Variants in TRIO observed in about 807,000 individuals in gnomAD.
The protein encoded by TRIO is trio Rho guanine nucleotide exchange factor.
TRIO carries 58 observed loss-of-function variants against 351.9 expected under a neutral mutation model. The observed-to-expected ratio is 0.16, with a 90% CI of 0.13 to 0.21. TRIO has a LOEUF of 0.21. TRIO is among the 10% of genes least tolerant of loss of function. The pLI, the probability that TRIO is intolerant of heterozygous loss-of-function variation, is 1.00. For missense variants in TRIO, 3,201 were observed against 4,027.8 expected (o/e 0.79, Z 5.56); for synonymous variants, 1,758 against 1,595.7 (o/e 1.10, Z -2.42).
chr5:14,211,081 C>G (rs73748685), intron 1 of TRIO, among the ~76,000 whole-genome samples: 5,180 of 152,250 alleles, frequency 0.034, 304 homozygotes, highest in African/African-American at 0.12. Flanking sequence ...AAATAATAAT[C>G]ATAATAAAAG....
At chr5:14,230,112 A>C (rs750345270) in intron 1 of TRIO, among the ~76,000 whole-genome samples, 1 of 152,186 alleles carries the variant, frequency 6.6e-6, no homozygotes, top group Admixed American at 6.5e-5. Flanking sequence ...CAACTCATAT[A>C]TTATGAGCCA....
Position 14,292,960 on chromosome 5 carries a change from C to T in TRIO, c.1054-52C>T, listed in dbSNP as rs144272318. 939 of 1,611,374 alleles carry T rather than the reference C, an allele frequency of 5.8e-4. 8 individuals carry two copies. The African/African-American group carries it at 0.011, about 19-fold the overall frequency. ...TACTGCCCCATCTGTGGGCTTGTGT[C>T]AGTAATTTCTCTTTCTGGAGTGATT... On this transcript the variant is annotated intron_variant, in intron 5 of 56. Coordinates refer to ENST00000344204, the MANE Select transcript of TRIO (RefSeq NM_007118.4).
chr5:14,213,295 A>G (rs1020407145), intron 1 of TRIO, among the ~76,000 whole-genome samples: 1 of 151,084 alleles, frequency 6.6e-6, no homozygotes, highest in Admixed American at 6.6e-5. Flanking sequence ...AGGTTAATAT[A>G]TGTAAACTAA....
Position 14,330,774 on chromosome 5 carries a change from G to A in TRIO, c.1732-4G>A. The A allele has an allele frequency of 6.2e-7, 1 of 1,613,516 alleles. No individual in the cohort carries two copies. The highest frequency in any genetic ancestry group is 8.5e-7 in the Non-Finnish European group (1 of 1,179,656). The stretch of plus-strand genomic sequence containing the variant: ...ATGGCATATGTACCTGTATTTCATT[G>A]TAGGTGCTAGACTGGATCGAGAACC... On this transcript the variant is annotated splice_polypyrimidine_tract_variant and splice_region_variant and intron_variant, in intron 9 of 56. Coordinates refer to ENST00000344204, the MANE Select transcript of TRIO (RefSeq NM_007118.4).
intron 31 of TRIO, among the ~76,000 whole-genome samples, chr5:14,401,896 T>C (rs1289358768): frequency 2.0e-5 from 3 of 152,190 alleles, no homozygotes; most frequent in Non-Finnish European, 4.4e-5. Context: ...TGAACCTGCA[T>C]GTCACCCCTT....
intron 1 of TRIO, among the ~76,000 whole-genome samples, chr5:14,269,427 T>C (rs1795864318): frequency 6.6e-6 from 1 of 152,256 alleles, no homozygotes; most frequent in African/African-American, 2.4e-5. Flanking sequence ...TAATTTGGCC[T>C]GACCCACACT....
In TRIO at chr5:14,178,656, T is replaced by A. The variant is rs191427343; in HGVS notation, c.157+34774T>A. Among the ~76,000 whole-genome samples the A allele has an allele frequency of 2.0e-5, 3 of 152,324 alleles. No homozygotes were observed. The East Asian group carries it at 5.8e-4, about 29-fold the overall frequency. ...GACCTACTGACTGACCATAGTTTCATAATTCAGTATGTAGAGGGTGAGAGT... is the reference window on the plus strand; with the variant it reads ...GACCTACTGACTGACCATAGTTTCAAAATTCAGTATGTAGAGGGTGAGAGT... On this transcript the variant is annotated intron_variant, in intron 1 of 56. Transcript: ENST00000344204.
At chr5:14,477,012 A>G in intron 41 of TRIO, 49 bp downstream of exon 41, 3 of 1,529,962 alleles carry the variant, frequency 2.0e-6, no homozygotes, top group Non-Finnish European at 2.7e-6. Context: ...TGTCATCCTT[A>G]GTCACTGGTT....
intron 48 of TRIO, 26 bp from the exon 49 acceptor site, chr5:14,492,541 C>T (rs536785340): frequency 3.1e-6 from 5 of 1,610,094 alleles, no homozygotes; most frequent in Middle Eastern, 3.3e-4. Context: ...CCCTGCCTTT[C>T]TCTGTCTTCA....
At chr5:14,337,300 T>C (rs1741506054) in intron 11 of TRIO, among the ~76,000 whole-genome samples, 1 of 152,224 alleles carries the variant, frequency 6.6e-6, no homozygotes, top group Non-Finnish European at 1.5e-5. Flanking sequence ...ATATATGTTA[T>C]TCTTGGTAGA....
At chr5:14,276,915 C>G (rs759831434) in intron 2 of TRIO, among the ~76,000 whole-genome samples, 2 of 152,194 alleles carry the variant, frequency 1.3e-5, no homozygotes, top group African/African-American at 4.8e-5. Context: ...AAGTGTCACA[C>G]AGACATGTAT....
chr5:14,393,723 A>G (rs151050349), intron 27 of TRIO, among the ~76,000 whole-genome samples: 38 of 152,368 alleles, frequency 2.5e-4, no homozygotes, highest in African/African-American at 8.9e-4. Context: ...CAACCTTTAC[A>G]TGCAATACAG....
intron 40 of TRIO, among the ~76,000 whole-genome samples, chr5:14,474,909 A>G (rs1186589814): frequency 6.6e-6 from 1 of 152,136 alleles, no homozygotes; most frequent in Non-Finnish European, 1.5e-5. Context: ...TCCTGGGCTC[A>G]AGCAGTCTTC....
intron 48 of TRIO, chr5:14,488,948 C>G (rs754694601): frequency 1.3e-6 from 1 of 764,176 alleles, no homozygotes; most frequent in Non-Finnish European, 2.4e-6. Context: ...CTCATGCTGC[C>G]GTCTCAAGCA....
chr5:14,476,104 C>A (rs1755055129), intron 40 of TRIO, among the ~76,000 whole-genome samples: 1 of 152,182 alleles, frequency 6.6e-6, no homozygotes, highest in African/African-American at 2.4e-5. Flanking sequence ...CTTCATAAAG[C>A]TGGCACAGGT....
In TRIO at chr5:14,508,528, C is replaced by A; in HGVS notation, c.*106C>A. Reference sequence around the variant, plus strand: ...ATAACTGATCAGCTGCCGGTATGTTCATCGTGTGAAATTGCATTCCAAGTG... The same window carrying A: ...ATAACTGATCAGCTGCCGGTATGTTAATCGTGTGAAATTGCATTCCAAGTG... On this transcript the variant is annotated 3_prime_UTR_variant, in exon 57 of 57. Transcript: ENST00000344204. 1 of 1,385,588 alleles carries A rather than the reference C, an allele frequency of 7.2e-7. No individual in the cohort carries two copies. The highest frequency in any genetic ancestry group is 9.8e-7 in the Non-Finnish European group (1 of 1,019,678). 85.8% of individuals were successfully genotyped at this position (1,385,588 alleles called of 1,614,324 possible). A position where few individuals can be genotyped will look rare whatever the true frequency, so the allele number is the denominator to read the frequency against.
intron 19 of TRIO, 44 bp downstream of exon 19, chr5:14,374,387 T>C (rs1745381232): frequency 6.6e-7 from 1 of 1,508,062 alleles, no homozygotes; most frequent in Admixed American, 1.8e-5. Context: ...AGTGCATGCC[T>C]GGCAAGAGAC....
chr5:14,378,786 C>T (rs971023124), intron 20 of TRIO, among the ~76,000 whole-genome samples: 29 of 152,256 alleles, frequency 1.9e-4, no homozygotes, highest in African/African-American at 6.5e-4. Flanking sequence ...TCTCGAACTC[C>T]TGACCTCAGG....
chr5:14,175,997 A>G (rs954860415), intron 1 of TRIO, among the ~76,000 whole-genome samples: 1 of 152,252 alleles, frequency 6.6e-6, no homozygotes, highest in African/African-American at 2.4e-5. Context: ...ATTTAAAAAT[A>G]CATTGTATGC....
Sources: gnomAD v4.1 joint callset for allele counts (sites outside exome capture counted in the v4.1 genomes callset) on GRCh38, gnomAD v4.1.1 for gene constraint, MANE v1.5 for transcripts, NCBI Gene and HGNC (gene_info 2026-07-23, HGNC 2026-07-21) for gene names.